Variants in ANKRD30A observed in about 807,000 individuals in gnomAD.
ANKRD30A encodes the protein ankyrin repeat domain 30A.
A neutral mutation model predicts 166.3 loss-of-function variants in ANKRD30A; 170 were observed. The observed-to-expected ratio is 1.02, with a 90% CI of 0.90 to 1.16. The LOEUF is 1.16. Among genes scored for constraint, ANKRD30A ranks in the 50% most tolerant of loss-of-function variants. The pLI, the probability that ANKRD30A is intolerant of heterozygous loss-of-function variation, is 0.00. For synonymous variants in ANKRD30A, 564 were observed against 508.9 expected (o/e 1.11, Z -1.46); for missense variants, 1,630 against 1,518.0 (o/e 1.07, Z -1.23).
At chr10:37,165,242 T>G in intron 18 of ANKRD30A, 87 bp downstream of exon 18, 2 of 1,220,894 alleles carry the variant, frequency 1.6e-6, no homozygotes, top group Non-Finnish European at 2.4e-6. Context: ...TTTTCTCACC[T>G]CTGCATGTGT....
rs1385323333 is a variant in ANKRD30A, at chr10:37,147,419, T to A, written c.1505T>A (p.Ile502Lys). 6.3e-7 allele frequency: 1 copy of A among 1,597,092 alleles called. No individual in the cohort carries two copies. Among genetic ancestry groups the A allele is most frequent in the Non-Finnish European group, 8.5e-7 (1 of 1,172,628 alleles). ...ATTCAAGTGTGTATACCTGAGTCTA[T>A]ATATCAAAAAGTAATGGAGATAAAT... ...AKIQVCIPESIYQKVMEINRE... is the reference protein window; with the variant it reads ...AKIQVCIPESKYQKVMEINRE... The change falls in exon 9 of 36, where the codon ATA becomes AAA. Residue 502 changes from isoleucine (I) to lysine (K), a missense_variant. Physicochemically the swap from Ile to Lys is moderately radical, Grantham distance 102 (BLOSUM62 -3). Around this residue, in one of 4 missense-constraint regions of ANKRD30A, gnomAD observed 904 missense variants for 818.5 expected, o/e 1.10. Coordinates refer to ENST00000361713, the MANE Select transcript of ANKRD30A (RefSeq NM_052997.3).
At chr10:37,137,226 G>A (rs1028433188) in intron 6 of ANKRD30A, among the ~76,000 whole-genome samples, 2 of 152,140 alleles carry the variant, frequency 1.3e-5, no homozygotes, top group East Asian at 1.9e-4. Context: ...ATCATGAAAA[G>A]TAGGAATTAA....
chr10:37,151,161 T>G (rs765888921), intron 11 of ANKRD30A, among the ~76,000 whole-genome samples: 2 of 152,076 alleles, frequency 1.3e-5, no homozygotes, highest in African/African-American at 4.8e-5. Context: ...CTTTTAAGTT[T>G]TAGTTGTGCA....
intron 34 of ANKRD30A, among the ~76,000 whole-genome samples, chr10:37,225,804 A>C (rs575087323): frequency 6.6e-6 from 1 of 151,892 alleles, no homozygotes; most frequent in Non-Finnish European, 1.5e-5. Context: ...CTCGGTAACA[A>C]TTTTAGTGAG....
intron 13 of ANKRD30A, among the ~76,000 whole-genome samples, chr10:37,153,912 A>G (rs1838159307): frequency 6.6e-6 from 1 of 152,194 alleles, no homozygotes; most frequent in African/African-American, 2.4e-5. Context: ...ATGAGAAAAT[A>G]AGAAAGAAGA....
chr10:37,152,226 G>A (rs17590141), intron 12 of ANKRD30A, 105 bp downstream of exon 12: 64 of 941,156 alleles, frequency 6.8e-5, no homozygotes, highest in Non-Finnish European at 9.6e-5. Flanking sequence ...ATGTCACCCC[G>A]AAATTATTTT....
At chr10:37,142,468 TCA>T in intron 7 of ANKRD30A, among the ~76,000 whole-genome samples, 178 bp downstream of exon 7, 1 of 151,662 alleles carries the variant, frequency 6.6e-6, no homozygotes, top group East Asian at 1.9e-4. Flanking sequence ...GGAAAAATTC[TCA>T]CAATTCTTCT....
intron 24 of ANKRD30A, among the ~76,000 whole-genome samples, chr10:37,179,013 A>AAC (rs1342731044): frequency 8.6e-6 from 1 of 116,830 alleles, no homozygotes; most frequent in Non-Finnish European, 1.8e-5. Context: ...TGAGGCGTCA[A>AAC]ATATATATAT....
At chr10:37,133,789 G>A in intron 4 of ANKRD30A, 127 bp from the exon 5 acceptor site, 2 of 1,136,530 alleles carry the variant, frequency 1.8e-6, no homozygotes, top group South Asian at 3.1e-5. Context: ...TGATTTACAA[G>A]GATAAACACT....
downstream of ANKRD30A, among the ~76,000 whole-genome samples, chr10:37,234,336 A>G (rs1588971671): frequency 6.6e-6 from 1 of 152,196 alleles, no homozygotes; most frequent in East Asian, 1.9e-4. Flanking sequence ...TTCAAAAATT[A>G]AAATTAGCTT....
intron 35 of ANKRD30A, among the ~76,000 whole-genome samples, chr10:37,232,247 T>A (rs972429534): frequency 6.6e-6 from 1 of 151,980 alleles, no homozygotes; most frequent in Non-Finnish European, 1.5e-5. Context: ...GTTTTTTTTT[T>A]AACACAAGAC....
intron 24 of ANKRD30A, among the ~76,000 whole-genome samples, chr10:37,183,904 G>A (rs188064611): frequency 1.2e-4 from 18 of 149,638 alleles, no homozygotes; most frequent in Non-Finnish European, 2.1e-4. Flanking sequence ...ACGCCAGCAC[G>A]TTGGGAGGCC....
chr10:37,244,292 C>T, the ANKRD30A span, among the ~76,000 whole-genome samples: 1 of 152,114 alleles, frequency 6.6e-6, no homozygotes, highest in Non-Finnish European at 1.5e-5. Flanking sequence ...CATGACATTG[C>T]AGGGTCACTC....
intron 12 of ANKRD30A, among the ~76,000 whole-genome samples, chr10:37,153,084 TAC>T (rs780146466): frequency 2.0e-5 from 3 of 152,188 alleles, no homozygotes; most frequent in Non-Finnish European, 4.4e-5. Context: ...ATTCTGTGCA[TAC>T]ATTCTGTGAC....
the ANKRD30A span, among the ~76,000 whole-genome samples, chr10:37,263,501 C>T: frequency 1.3e-5 from 2 of 151,340 alleles, no homozygotes; most frequent in African/African-American, 4.9e-5. Context: ...TAGATAGCCC[C>T]ATCTAGGGGT....
intron 34 of ANKRD30A, 122 bp downstream of exon 34, chr10:37,220,019 ATATATATAT>A (rs1842824984): frequency 3.0e-4 from 38 of 127,374 alleles, no homozygotes; most frequent in Non-Finnish European, 4.5e-4. Context: ...ATATATATAT[ATATATATAT>A]AATATATGTA....
the ANKRD30A span, among the ~76,000 whole-genome samples, chr10:37,258,688 G>A: frequency 6.7e-6 from 1 of 149,936 alleles, no homozygotes; most frequent in Non-Finnish European, 1.5e-5. Context: ...CAATGGCCAT[G>A]AGTGGTGGCT....
intron 17 of ANKRD30A, among the ~76,000 whole-genome samples, chr10:37,163,149 C>A (rs2132600117): frequency 6.8e-6 from 1 of 148,070 alleles, no homozygotes; most frequent in Non-Finnish European, 1.5e-5. Flanking sequence ...TGTTGAAACT[C>A]CAATTTCTTT....
intron 9 of ANKRD30A, among the ~76,000 whole-genome samples, chr10:37,147,752 G>GAGA (rs1282371374): frequency 9.9e-5 from 15 of 151,926 alleles, no homozygotes; most frequent in African/African-American, 3.6e-4. Context: ...AAAGAAGGCA[G>GAGA]AGAGAGTACA....
Sources: allele counts gnomAD v4.1 joint callset (sites outside exome capture counted in the v4.1 genomes callset), GRCh38; gene constraint gnomAD v4.1.1; regional missense constraint gnomAD v4.1.1; transcripts MANE v1.5; gene names NCBI Gene and HGNC (gene_info 2026-07-23, HGNC 2026-07-21).